The following FARP2 variants were observed in gnomAD, a reference collection of about 807,000 sequenced individuals.
FARP2 encodes the protein FERM, ARH/RhoGEF and pleckstrin domain protein 2.
Under a neutral mutation model 130.5 loss-of-function variants are expected in FARP2, and 111 were observed. The ratio of observed to expected loss-of-function variants is 0.85; its 90% CI spans 0.73 to 1.00. The LOEUF (loss-of-function observed/expected upper bound fraction) is 1.00. Ranked by LOEUF, FARP2 falls within the 50% of genes least tolerant of loss-of-function variation. The pLI is 0.00. For missense variants in FARP2, 1,385 were observed against 1,346.3 expected (o/e 1.03, Z -0.45); for synonymous variants, 504 against 516.9 (o/e 0.98, Z 0.34).
intron 20 of FARP2, 143 bp from the exon 21 acceptor site, chr2:241,484,099 A>T (rs969170655): frequency 4.2e-6 from 6 of 1,444,184 alleles, no homozygotes; most frequent in Non-Finnish European, 5.5e-6. Context: ...AAATGAATGA[A>T]TAAAAGTCCC....
chr2:241,435,033 A>G lies in FARP2; in HGVS notation c.1100+3A>G. 6.4e-7 allele frequency: 1 copy of G among 1,560,040 alleles called. No homozygotes were observed. The highest frequency in any genetic ancestry group is 8.8e-7 in the Non-Finnish European group (1 of 1,135,186). ...ATGAAGAGAATTCCATATGAAAGGT[A>G]AGCTCTGGCCTTTATGATGTAAAGT... is the stretch of plus-strand genomic sequence containing the variant. On this transcript the variant is annotated splice_donor_region_variant and intron_variant, in intron 11 of 26. Coordinates refer to ENST00000264042, the MANE Select transcript of FARP2 (RefSeq NM_014808.4).
At chr2:241,359,951 A>T (rs529190472) in intron 1 of FARP2, among the ~76,000 whole-genome samples, 30 of 152,256 alleles carry the variant, frequency 2.0e-4, no homozygotes, top group African/African-American at 7.2e-4. Flanking sequence ...TAGCTGTTGT[A>T]ATGTGTACCA....
chr2:241,467,004 C>T (rs1443748184), intron 17 of FARP2, among the ~76,000 whole-genome samples: 1 of 151,934 alleles, frequency 6.6e-6, no homozygotes, highest in Non-Finnish European at 1.5e-5. Context: ...CCTGTAATCC[C>T]AGCACTTTGG....
At chr2:241,377,590 G>C (rs2061568525) in intron 2 of FARP2, among the ~76,000 whole-genome samples, 1 of 152,120 alleles carries the variant, frequency 6.6e-6, no homozygotes, top group South Asian at 2.1e-4. Context: ...TGATCCACCT[G>C]CCTTGGCCTC....
At chr2:241,400,039 T>A (rs2150342331) in intron 2 of FARP2, among the ~76,000 whole-genome samples, 1 of 152,344 alleles carries the variant, frequency 6.6e-6, no homozygotes, top group South Asian at 2.1e-4. Flanking sequence ...TGTTGGACAT[T>A]GCTGGTTAAC....
At chr2:241,463,719 T>C in intron 16 of FARP2, 180 bp from the exon 17 acceptor site, 1 of 677,370 alleles carries the variant, frequency 1.5e-6, no homozygotes, top group Non-Finnish European at 2.5e-6. Context: ...TTTTAGAGAA[T>C]GGCCAGACAC....
chr2:241,358,764 C>T (rs917599189), intron 1 of FARP2, among the ~76,000 whole-genome samples: 2 of 152,164 alleles, frequency 1.3e-5, no homozygotes, highest in Non-Finnish European at 2.9e-5. Flanking sequence ...AATATAGAGT[C>T]CTTTGACCAT....
intron 12 of FARP2, among the ~76,000 whole-genome samples, chr2:241,437,322 T>C (rs959624777): frequency 1.3e-5 from 2 of 152,218 alleles, no homozygotes; most frequent in Non-Finnish European, 2.9e-5. Context: ...TGTCCCAGAA[T>C]GTGACAACAG....
At chr2:241,359,220 C>A (rs2061130223) in intron 1 of FARP2, among the ~76,000 whole-genome samples, 1 of 152,152 alleles carries the variant, frequency 6.6e-6, no homozygotes, top group African/African-American at 2.4e-5. Flanking sequence ...TTTTAAGAGT[C>A]ATGAATTGTT....
At chr2:241,424,520 G>A (rs532899681) in intron 8 of FARP2, among the ~76,000 whole-genome samples, 8 of 152,154 alleles carry the variant, frequency 5.3e-5, no homozygotes, top group Non-Finnish European at 1.0e-4. Flanking sequence ...AAGATCTCAG[G>A]TTAACAACCT....
At chr2:241,435,817 AT>A (rs2150404743) in intron 11 of FARP2, among the ~76,000 whole-genome samples, 1 of 148,776 alleles carries the variant, frequency 6.7e-6, no homozygotes, top group South Asian at 2.1e-4. Context: ...GGCCTGTAAT[AT>A]TTTTATATAG....
intron 2 of FARP2, among the ~76,000 whole-genome samples, chr2:241,397,072 A>G (rs2062047619): frequency 6.6e-6 from 1 of 152,178 alleles, no homozygotes; most frequent in East Asian, 1.9e-4. Context: ...TTCTCAGTAA[A>G]CTATCTCAAG....
chr2:241,418,590 A>G (rs560778147), intron 8 of FARP2, among the ~76,000 whole-genome samples: 2 of 152,278 alleles, frequency 1.3e-5, no homozygotes, highest in African/African-American at 4.8e-5. Flanking sequence ...AGAATAGAAA[A>G]TATCAGAGGG....
rs1351509537 is a variant in FARP2 at position 241,459,795 on chromosome 2, A to G, written c.1588-2728A>G. ...ATTTTCTGTCCCTGAGAGTCTTCTC[A>G]CGGTATTCCTTGGGCTGATTGGGCG... is the stretch of plus-strand genomic sequence containing the variant. On this transcript the variant is annotated intron_variant, in intron 14 of 26. Coordinates refer to ENST00000264042, the MANE Select transcript of FARP2 (RefSeq NM_014808.4). The surrounding 1 kb of genome is among the most constrained non-coding windows in gnomAD (Gnocchi z 5.3). Among the ~76,000 whole-genome samples the G allele has an allele frequency of 8.1e-6, 1 of 123,020 alleles. No individual in the cohort carries two copies. Among genetic ancestry groups the G allele is most frequent in the African/African-American group, 3.1e-5 (1 of 32,366 alleles). 80.7% of individuals were successfully genotyped at this position (123,020 alleles called of 152,430 possible). A position where few individuals can be genotyped will look rare whatever the true frequency, so the allele number is the denominator to read the frequency against.
In FARP2 at chr2:241,367,873, G is replaced by A. The variant is rs552585235; in HGVS notation, c.-24-5211G>A. On this transcript the variant is annotated intron_variant, in intron 1 of 26. Transcript: ENST00000264042. ...TTCTGAGTTATTTGTTCCTTGGCAG[G>A]CCTTTTTTTTTTTAATAGATTTTAT... Among the ~76,000 whole-genome samples the A allele has an allele frequency of 1.2e-4, 18 of 150,196 alleles. No individual in the cohort carries two copies. In the East Asian group the frequency reaches 3.1e-3, roughly 26 times the overall value.
At chr2:241,386,974 G>A (rs997244937) in intron 2 of FARP2, among the ~76,000 whole-genome samples, 5 of 152,132 alleles carry the variant, frequency 3.3e-5, no homozygotes, top group Admixed American at 2.0e-4. Context: ...TTTTTTGTTT[G>A]TTTGGAATAT....
chr2:241,483,524 G>T lies in FARP2; in HGVS notation c.2322G>T (p.Met774Ile). ...KLTKKGLQQRMFFLFSDMLLY... is the reference protein window; with the variant it reads ...KLTKKGLQQRIFFLFSDMLLY... ...CCAAGAAGGGCCTGCAGCAGAGGAT[G>T]TTTTTTCTGGTAGGTTCTCTCCCCA... Residue 774 changes from methionine to isoleucine, a missense_variant, in exon 20 of 27, where the codon ATG becomes ATT. Transcript: ENST00000264042. 6.2e-7 allele frequency: 1 copy of T among 1,614,080 alleles called. No individual in the cohort carries two copies. Among genetic ancestry groups the T allele is most frequent in the Non-Finnish European group, 8.5e-7 (1 of 1,179,872 alleles).
intron 2 of FARP2, 101 bp downstream of exon 2, chr2:241,373,391 G>C (rs2061465418): frequency 2.8e-6 from 2 of 720,028 alleles, no homozygotes; most frequent in Non-Finnish European, 4.0e-6. Flanking sequence ...ATATTAAGTT[G>C]ATCAAGAGTA....
At chr2:241,442,367 GCA>G (rs1559775091) in intron 13 of FARP2, 1 of 456,696 alleles carries the variant, frequency 2.2e-6, no homozygotes. Flanking sequence ...GACTCCAGCA[GCA>G]CAGAGTCAGA....
Sources: allele counts gnomAD v4.1 joint callset (sites outside exome capture counted in the v4.1 genomes callset), GRCh38; gene constraint gnomAD v4.1.1; non-coding constraint Gnocchi (gnomAD v3.1); transcripts MANE v1.5; gene names NCBI Gene and HGNC (gene_info 2026-07-23, HGNC 2026-07-21).